Variants in CYP39A1 observed in about 807,000 individuals in gnomAD.
The protein encoded by CYP39A1 is cytochrome P450 family 39 subfamily A member 1, also known as 24-hydroxycholesterol 7-alpha-hydroxylase.
In CYP39A1, 49 loss-of-function variants were observed where a neutral mutation model predicts 58.1. That is an observed-to-expected ratio of 0.84 (90% CI 0.67 to 1.07). The LOEUF is 1.07. Ranked by LOEUF, CYP39A1 falls within the 50% of genes least tolerant of loss-of-function variation. CYP39A1 has a pLI of 0.00. For synonymous variants in CYP39A1, 209 were observed against 187.6 expected (o/e 1.11, Z -0.93); for missense variants, 531 against 539.4 (o/e 0.98, Z 0.16).
chr6:46,611,344 T>C (rs931046797), intron 7 of CYP39A1, among the ~76,000 whole-genome samples: 7 of 152,218 alleles, frequency 4.6e-5, no homozygotes, highest in Non-Finnish European at 8.8e-5. Flanking sequence ...GAAAAGGCAG[T>C]GATAACAATG....
Position 46,639,712 on chromosome 6 carries a change from T to G in CYP39A1, c.314-44A>C, listed in dbSNP as rs766177206. The stretch of plus-strand genomic sequence containing the variant: ...ATTTTCAAAATAAGCAACAACTCCT[T>G]GAAACACACAGTCAATATATATCTA... On this transcript the variant is annotated intron_variant, in intron 2 of 11. Coordinates refer to ENST00000275016, the MANE Select transcript of CYP39A1 (RefSeq NM_016593.5). 16 of 1,510,316 alleles carry G rather than the reference T, an allele frequency of 1.1e-5. No individual in the cohort carries two copies. The East Asian group carries it at 3.7e-4, about 35-fold the overall frequency. The allele number at this position is 1,510,316 out of a possible 1,614,324, so 93.6% of individuals were successfully genotyped here.
intron 4 of CYP39A1, among the ~76,000 whole-genome samples, chr6:46,636,929 G>T (rs951707257): frequency 6.6e-6 from 1 of 152,184 alleles, no homozygotes; most frequent in Non-Finnish European, 1.5e-5. Flanking sequence ...CTGAATGTCT[G>T]TGTCTCTCCC....
chr6:46,576,115 GA>G (rs1771831482), intron 10 of CYP39A1, among the ~76,000 whole-genome samples: 1 of 152,128 alleles, frequency 6.6e-6, no homozygotes, highest in African/African-American at 2.4e-5. Context: ...ACAGGAGCAA[GA>G]AAGAGATGGG....
intron 8 of CYP39A1, among the ~76,000 whole-genome samples, chr6:46,594,964 A>G (rs1773058520): frequency 6.6e-6 from 1 of 152,006 alleles, no homozygotes; most frequent in African/African-American, 2.4e-5. Flanking sequence ...TCACTAGTAA[A>G]AAACAAAAAC....
intron 7 of CYP39A1, among the ~76,000 whole-genome samples, chr6:46,619,831 T>C (rs1273386176): frequency 6.6e-6 from 1 of 152,114 alleles, no homozygotes; most frequent in African/African-American, 2.4e-5. Context: ...CTTCACACAA[T>C]GCCTTCACAT....
chr6:46,602,069 G>T (rs1450185320), intron 7 of CYP39A1, among the ~76,000 whole-genome samples: 1 of 152,094 alleles, frequency 6.6e-6, no homozygotes, highest in East Asian at 1.9e-4. Flanking sequence ...TGTTAGATCT[G>T]TTCTTCGATG....
At chr6:46,647,962 A>AT (rs1762433836) in intron 1 of CYP39A1, among the ~76,000 whole-genome samples, 1 of 152,208 alleles carries the variant, frequency 6.6e-6, no homozygotes, top group Non-Finnish European at 1.5e-5. Context: ...CCACAATGAG[A>AT]TACCATCTCA....
chr6:46,631,138 G>A, intron 5 of CYP39A1, 68 bp from the exon 6 acceptor site: 1 of 1,212,540 alleles, frequency 8.2e-7, no homozygotes, highest in Non-Finnish European at 1.2e-6. Flanking sequence ...ATAAACAAGA[G>A]ATCATGCCTT....
chr6:46,615,174 C>T lies in CYP39A1; in HGVS notation c.931+10244G>A, dbSNP rs73469157. 9.1e-3 allele frequency among the ~76,000 whole-genome samples: 1,375 copies of T among 151,604 alleles called. 29 individuals carry two copies. Among genetic ancestry groups the T allele is most frequent in the African/African-American group, 0.031 (1,288 of 41,360 alleles). ...GTTGAAACATAGGGTTCAGATTTTG[C>T]GTGGCCAAAAATGGATACGTATCAA... On this transcript the variant is annotated intron_variant, in intron 7 of 11. Transcript: ENST00000275016.
At chr6:46,552,388 G>C (rs1051434746) in intron 11 of CYP39A1, among the ~76,000 whole-genome samples, 1 of 152,086 alleles carries the variant, frequency 6.6e-6, no homozygotes. Flanking sequence ...CTTCATCACC[G>C]ATAAGTTACT....
chr6:46,644,161 G>A (rs770658044), intron 1 of CYP39A1, among the ~76,000 whole-genome samples: 2 of 152,016 alleles, frequency 1.3e-5, no homozygotes, highest in Non-Finnish European at 2.9e-5. Flanking sequence ...TTAATCCTTG[G>A]CAACCACTAA....
intron 10 of CYP39A1, among the ~76,000 whole-genome samples, chr6:46,573,591 G>T (rs1771700730): frequency 1.3e-5 from 2 of 152,162 alleles, no homozygotes; most frequent in African/African-American, 4.8e-5. Flanking sequence ...ACAAGGGCAT[G>T]CTGGTAACCA....
At chr6:46,553,066 C>T (rs367763375) in intron 11 of CYP39A1, among the ~76,000 whole-genome samples, 17 of 145,868 alleles carry the variant, frequency 1.2e-4, no homozygotes, top group African/African-American at 4.2e-4. Flanking sequence ...AAAAACAACC[C>T]CCCAACCAAA....
rs1205262582 is a variant in CYP39A1 at position 46,639,559 on chromosome 6, T to C, written c.423A>G (p.Glu141=). ...AATTCTCCAGTTGTTCATGTAATTC[T>C]TCAGTCAGTTGCCCAGTAAACTGAT... ...NLHQFTGQLT[E]ELHEQLENLG... The change falls in exon 3 of 12, where the codon GAA becomes GAG. Residue 141 remains glutamate, a synonymous_variant. Coordinates refer to ENST00000275016, the MANE Select transcript of CYP39A1 (RefSeq NM_016593.5). 1 of 1,614,050 alleles carries C rather than the reference T, an allele frequency of 6.2e-7. No homozygotes were observed. Among genetic ancestry groups the C allele is most frequent in the African/African-American group, 1.3e-5 (1 of 74,940 alleles).
chr6:46,615,280 A>G lies in CYP39A1; in HGVS notation c.931+10138T>C, dbSNP rs147662917. Among the ~76,000 whole-genome samples, 310 of 151,344 alleles carry G rather than the reference A, an allele frequency of 2.0e-3. 2 individuals carry two copies. The highest frequency in any genetic ancestry group is 7.3e-3 in the African/African-American group (304 of 41,428). ...AACATATATTTTTATAAATATAAAT[A>G]CATTTTATAACTATAACTATATACC... On this transcript the variant is annotated intron_variant, in intron 7 of 11. Coordinates refer to ENST00000275016, the MANE Select transcript of CYP39A1 (RefSeq NM_016593.5).
At chr6:46,650,628 C>A (rs1002059934) in intron 1 of CYP39A1, among the ~76,000 whole-genome samples, 2 of 150,566 alleles carry the variant, frequency 1.3e-5, no homozygotes, top group Non-Finnish European at 2.9e-5. Flanking sequence ...CTCAGCCTCT[C>A]GAGGAGCTGG....
chr6:46,651,121 A>G (rs1327388147), intron 1 of CYP39A1, among the ~76,000 whole-genome samples: 1 of 152,246 alleles, frequency 6.6e-6, no homozygotes, highest in Non-Finnish European at 1.5e-5. Flanking sequence ...ACATTCATAT[A>G]AACAATTTAA....
intron 8 of CYP39A1, among the ~76,000 whole-genome samples, chr6:46,595,179 G>C (rs923028927): frequency 6.6e-6 from 1 of 151,886 alleles, no homozygotes; most frequent in African/African-American, 2.4e-5. Flanking sequence ...AGAGGATGTA[G>C]AGAAAAGGGA....
intron 9 of CYP39A1, 34 bp from the exon 10 acceptor site, chr6:46,587,199 G>T: frequency 7.3e-7 from 1 of 1,361,770 alleles, no homozygotes. Flanking sequence ...TTCCAAATCA[G>T]CCTTATATAA....
Sources: allele counts gnomAD v4.1 joint callset (sites outside exome capture counted in the v4.1 genomes callset), GRCh38; gene constraint gnomAD v4.1.1; transcripts MANE v1.5; gene names NCBI Gene and HGNC (gene_info 2026-07-23, HGNC 2026-07-21).